The following TPD52 variants were observed in gnomAD, a reference collection of about 807,000 sequenced individuals.
TPD52 encodes the protein prostate and colon associated protein.
A neutral mutation model predicts 31.3 loss-of-function variants in TPD52; 17 were observed. The ratio of observed to expected loss-of-function variants is 0.54; its 90% CI spans 0.37 to 0.82. The LOEUF is 0.82. Among genes scored for constraint, TPD52 ranks in the 40% least tolerant of loss-of-function variants. The probability of loss-of-function intolerance (pLI) is 0.00; values close to 1 mark genes in which losing one functional copy is unlikely to be tolerated. For synonymous variants in TPD52, 83 were observed against 89.6 expected (o/e 0.93, Z 0.42); for missense variants, 212 against 240.1 (o/e 0.88, Z 0.77).
At chr8:80,093,041 G>T (rs908600837) in intron 1 of TPD52, among the ~76,000 whole-genome samples, 2 of 152,038 alleles carry the variant, frequency 1.3e-5, no homozygotes, top group Admixed American at 1.3e-4. Context: ...AAAAATAAAA[G>T]ATTTTGTTTT....
At chr8:80,069,550 G>C (rs1813538505) in intron 1 of TPD52, among the ~76,000 whole-genome samples, 2 of 152,052 alleles carry the variant, frequency 1.3e-5, no homozygotes, top group Admixed American at 1.3e-4. Context: ...CAGCACTTTG[G>C]GAGGCAGAGA....
In TPD52 at chr8:80,171,549, C is replaced by G; in HGVS notation, c.-106G>C. The G allele has an allele frequency of 7.3e-7, 1 of 1,361,298 alleles. No homozygotes were observed. Among genetic ancestry groups the G allele is most frequent in the Non-Finnish European group, 9.4e-7 (1 of 1,058,278 alleles). 84.3% of individuals were successfully genotyped at this position (1,361,298 alleles called of 1,614,324 possible). A position where few individuals can be genotyped will look rare whatever the true frequency, so the allele number is the denominator to read the frequency against. On this transcript the variant is annotated 5_prime_UTR_variant, in exon 1 of 8. Coordinates refer to ENST00000518937, the MANE Select transcript of TPD52 (RefSeq NM_001025253.3). ...CAGAGCTCCTCCTCGCCTCCGCCGG[C>G]GACTCCCGCGAAGTCCCCACCCCCA...
intron 1 of TPD52, among the ~76,000 whole-genome samples, chr8:80,147,178 C>T (rs1464335868): frequency 6.6e-6 from 1 of 152,154 alleles, no homozygotes; most frequent in Non-Finnish European, 1.5e-5. Flanking sequence ...TACACTCTTG[C>T]CTATCTTTAT....
At chr8:80,097,122 A>G (rs1251650527) in intron 1 of TPD52, among the ~76,000 whole-genome samples, 1 of 111,616 alleles carries the variant, frequency 9.0e-6, no homozygotes, top group African/African-American at 4.5e-5. Flanking sequence ...AATGCTCTGG[A>G]TAGAAGTTCA....
At chr8:80,163,145 C>G (rs1180089394) in intron 1 of TPD52, among the ~76,000 whole-genome samples, 4 of 152,108 alleles carry the variant, frequency 2.6e-5, no homozygotes, top group Admixed American at 6.6e-5. Context: ...AAGAAGTGAA[C>G]ACAGGCTCTC....
chr8:80,109,171 A>G (rs1421177038), intron 1 of TPD52, among the ~76,000 whole-genome samples: 1 of 152,210 alleles, frequency 6.6e-6, no homozygotes, highest in African/African-American at 2.4e-5. Context: ...CGAGAAGAGA[A>G]GAATTCACCC....
rs183702701 is a variant in TPD52, at chr8:80,100,760, A to G, written c.20-36167T>C. Among the ~76,000 whole-genome samples the G allele has an allele frequency of 3.7e-4, 56 of 152,328 alleles. No individual in the cohort carries two copies. The East Asian group carries it at 9.3e-3, about 25-fold the overall frequency. ...TGGGTCCAAAGGCAGGAGAAGACCA[A>G]TGTCCCAGCTGGAAGACAGTCAGAG... On this transcript the variant is annotated intron_variant, in intron 1 of 7. Coordinates refer to ENST00000518937, the MANE Select transcript of TPD52 (RefSeq NM_001025253.3).
intron 1 of TPD52, among the ~76,000 whole-genome samples, chr8:80,082,134 T>A (rs912989658): frequency 4.0e-5 from 6 of 149,096 alleles, no homozygotes; most frequent in Admixed American, 6.6e-5. Flanking sequence ...TTTTTTTTTT[T>A]AAGTTTATTT....
intron 1 of TPD52, chr8:80,080,557 G>T: frequency 2.0e-6 from 3 of 1,482,956 alleles, no homozygotes; most frequent in Non-Finnish European, 2.7e-6. Context: ...CTTCACTGAA[G>T]AAATCAACCC....
At chr8:80,069,450 G>A (rs946945418) in intron 1 of TPD52, among the ~76,000 whole-genome samples, 13 of 151,884 alleles carry the variant, frequency 8.6e-5, no homozygotes, top group African/African-American at 3.1e-4. Context: ...GGGCAACAGA[G>A]CAAGACCCTG....
At chr8:80,049,643 TA>T (rs1395521606) in intron 5 of TPD52, among the ~76,000 whole-genome samples, 2 of 152,134 alleles carry the variant, frequency 1.3e-5, no homozygotes, top group Non-Finnish European at 2.9e-5. Flanking sequence ...TTCCTGCTTA[TA>T]CTCTAAAGAC....
At chr8:80,040,185 CTTTTTTTTTTTT>C (rs34611433) in intron 7 of TPD52, among the ~76,000 whole-genome samples, 2 of 95,686 alleles carry the variant, frequency 2.1e-5, no homozygotes, top group African/African-American at 9.7e-5. Context: ...ATACGCTATC[CTTTTTTTTTTTT>C]TTTTTTTTTT....
chr8:80,055,154 A>C (rs1401476815), intron 2 of TPD52, among the ~76,000 whole-genome samples: 1 of 152,042 alleles, frequency 6.6e-6, no homozygotes. Context: ...TTAAATGGTA[A>C]GTTTCCCACC....
chr8:80,079,823 TA>T (rs11293416), intron 1 of TPD52, among the ~76,000 whole-genome samples: 81,826 of 150,608 alleles, frequency 0.54, 22,536 homozygotes, highest in East Asian at 0.86. Flanking sequence ...AGTTTTTCTT[TA>T]AAAAAAAAAA....
rs576437727 is a variant in TPD52 at position 80,147,840 on chromosome 8, A to G, written c.19+23585T>C. Among the ~76,000 whole-genome samples the G allele has an allele frequency of 6.2e-4, 94 of 150,738 alleles. No homozygotes were observed. The East Asian group carries it at 0.016, about 26-fold the overall frequency. Reference sequence around the variant, plus strand: ...CACACATACATACACACACACACGCACACACACACACACACCCCCCACACC... The same window carrying G: ...CACACATACATACACACACACACGCGCACACACACACACACCCCCCACACC... On this transcript the variant is annotated intron_variant, in intron 1 of 7. Coordinates refer to ENST00000518937, the MANE Select transcript of TPD52 (RefSeq NM_001025253.3).
intron 1 of TPD52, among the ~76,000 whole-genome samples, chr8:80,124,265 A>G (rs1390228348): frequency 6.6e-6 from 1 of 152,022 alleles, no homozygotes; most frequent in Non-Finnish European, 1.5e-5. Context: ...TCCCGGGCTC[A>G]AGTGATCCTC....
At chr8:80,070,806 C>A (rs1327353882) in intron 1 of TPD52, among the ~76,000 whole-genome samples, 1 of 152,186 alleles carries the variant, frequency 6.6e-6, no homozygotes, top group Non-Finnish European at 1.5e-5. Flanking sequence ...GTGAGTTGAA[C>A]TCTGCTGCCT....
chr8:80,132,179 C>G (rs1809070031), intron 1 of TPD52, among the ~76,000 whole-genome samples: 1 of 151,844 alleles, frequency 6.6e-6, no homozygotes, highest in African/African-American at 2.4e-5. Context: ...ACAGGTAGCA[C>G]CTGTAGCACC....
intron 1 of TPD52, among the ~76,000 whole-genome samples, chr8:80,069,967 C>T (rs888117622): frequency 6.6e-6 from 1 of 152,184 alleles, no homozygotes; most frequent in South Asian, 2.1e-4. Context: ...CATCTCAGAA[C>T]TCACAGTGCC....
Sources: allele counts gnomAD v4.1 joint callset (sites outside exome capture counted in the v4.1 genomes callset), GRCh38; gene constraint gnomAD v4.1.1; transcripts MANE v1.5; gene names NCBI Gene and HGNC (gene_info 2026-07-23, HGNC 2026-07-21).